The following ADCY2 variants were observed in gnomAD, a reference collection of about 807,000 sequenced individuals.
ADCY2 encodes the protein adenylate cyclase 2, also known as adenylate cyclase type 2.
Under a neutral mutation model 125.2 loss-of-function variants are expected in ADCY2, and 31 were observed. The observed-to-expected ratio is 0.25, with a 90% CI of 0.19 to 0.33. The LOEUF is 0.33. Among genes scored for constraint, ADCY2 ranks in the 10% least tolerant of loss-of-function variants. The pLI is 1.00. For missense variants in ADCY2, 904 were observed against 1,418.2 expected (o/e 0.64, Z 5.82); for synonymous variants, 512 against 548.4 (o/e 0.93, Z 0.93).
At chr5:7,499,097 TC>T (rs1310067527) in intron 2 of ADCY2, among the ~76,000 whole-genome samples, 1 of 152,138 alleles carries the variant, frequency 6.6e-6, no homozygotes, top group Non-Finnish European at 1.5e-5. Context: ...AACCTCTGCC[TC>T]CCGGGTTCAA....
chr5:7,430,692 A>G (rs369542322), intron 2 of ADCY2, among the ~76,000 whole-genome samples: 5 of 152,116 alleles, frequency 3.3e-5, no homozygotes, highest in African/African-American at 1.2e-4. Flanking sequence ...CAACAGGTGC[A>G]CTGTGTGTCA....
intron 15 of ADCY2, among the ~76,000 whole-genome samples, chr5:7,748,068 T>TTGGA (rs1220397166): frequency 2.0e-5 from 3 of 152,188 alleles, no homozygotes; most frequent in African/African-American, 7.2e-5. Context: ...CATCCTGATG[T>TTGGA]TCTCACTTGT....
At chr5:7,712,505 T>A (rs919863746) in intron 10 of ADCY2, among the ~76,000 whole-genome samples, 1 of 152,318 alleles carries the variant, frequency 6.6e-6, no homozygotes, top group African/African-American at 2.4e-5. Context: ...CAAAGTCCAT[T>A]TTCACATGGT....
intron 22 of ADCY2, among the ~76,000 whole-genome samples, chr5:7,805,833 C>T (rs762401146): frequency 2.6e-5 from 4 of 152,160 alleles, no homozygotes; most frequent in South Asian, 4.1e-4. Context: ...CATGGATAGA[C>T]GTCTGACTCA....
intron 4 of ADCY2, among the ~76,000 whole-genome samples, chr5:7,675,072 G>A (rs1377128466): frequency 4.6e-5 from 7 of 151,730 alleles, no homozygotes; most frequent in Non-Finnish European, 8.8e-5. Context: ...GGAGAATGGC[G>A]TGAACCCGGG....
intron 22 of ADCY2, among the ~76,000 whole-genome samples, chr5:7,805,436 A>AT (rs1744730316): frequency 2.0e-5 from 3 of 152,020 alleles, no homozygotes; most frequent in Non-Finnish European, 4.4e-5. Flanking sequence ...GGTTTTCGAG[A>AT]TTTTCTCGTG....
intron 3 of ADCY2, among the ~76,000 whole-genome samples, chr5:7,544,103 C>T (rs188584583): frequency 2.0e-5 from 3 of 151,914 alleles, no homozygotes; most frequent in Admixed American, 6.6e-5. Flanking sequence ...CCTTTCCCTG[C>T]CCCACTCTGG....
Position 7,404,641 on chromosome 5 carries a change from A to C in ADCY2, c.210+8135A>C, listed in dbSNP as rs890139285. ...TGGAAGTGACACATCACTTTCATTC[A>C]TTTTTTTATTGGCCAGAGTAAATGT... On this transcript the variant is annotated intron_variant, in intron 1 of 24. Coordinates refer to ENST00000338316, the MANE Select transcript of ADCY2 (RefSeq NM_020546.3). Among the ~76,000 whole-genome samples the C allele has an allele frequency of 7.9e-5, 12 of 152,278 alleles. No individual in the cohort carries two copies. The South Asian group carries it at 2.5e-3, about 32-fold the overall frequency.
chr5:7,576,525 T>G (rs1207151654), intron 3 of ADCY2, among the ~76,000 whole-genome samples: 2 of 152,226 alleles, frequency 1.3e-5, no homozygotes, highest in Non-Finnish European at 2.9e-5. Flanking sequence ...AAAGCTGGTA[T>G]TATAATCCAA....
intron 3 of ADCY2, among the ~76,000 whole-genome samples, chr5:7,536,236 A>G (rs558668653): frequency 2.6e-5 from 4 of 152,362 alleles, no homozygotes; most frequent in African/African-American, 9.6e-5. Flanking sequence ...CCAGACCTTT[A>G]TGGGGTGGAA....
At chr5:7,818,172 A>G (rs1475987735) in intron 23 of ADCY2, among the ~76,000 whole-genome samples, 1 of 152,190 alleles carries the variant, frequency 6.6e-6, no homozygotes, top group Non-Finnish European at 1.5e-5. Flanking sequence ...GCTCTCTTAC[A>G]TACAAATTTC....
At chr5:7,634,267 G>A (rs201054028) in intron 4 of ADCY2, among the ~76,000 whole-genome samples, 7 of 152,148 alleles carry the variant, frequency 4.6e-5, no homozygotes, top group Admixed American at 2.6e-4. Flanking sequence ...TTACTGAACC[G>A]AGGTATCCAT....
intron 4 of ADCY2, among the ~76,000 whole-genome samples, chr5:7,647,011 G>A (rs1210736863): frequency 6.6e-6 from 1 of 152,150 alleles, no homozygotes; most frequent in Admixed American, 6.6e-5. Flanking sequence ...ATCTGAACCA[G>A]TTCCCCATAA....
chr5:7,582,117 T>C (rs1481651140), intron 3 of ADCY2, among the ~76,000 whole-genome samples: 1 of 151,958 alleles, frequency 6.6e-6, no homozygotes, highest in East Asian at 1.9e-4. Context: ...AAGGTTGGAG[T>C]GGCTAGGTTA....
intron 4 of ADCY2, among the ~76,000 whole-genome samples, chr5:7,685,894 T>A (rs1035907): frequency 0.31 from 46,956 of 152,172 alleles, 8,796 homozygotes; most frequent in Non-Finnish European, 0.43. Context: ...GGTGGCCCAA[T>A]GGCTGCTTAG....
rs77844073 is a variant in ADCY2 at position 7,738,687 on chromosome 5, C to T, written c.1872-4981C>T. ...AGCTTGAAAGTGAAAGGATGGAAAA[C>T]GTATCTGATGTAAACAATAAGCACA... On this transcript the variant is annotated intron_variant, in intron 14 of 24. Coordinates refer to ENST00000338316, the MANE Select transcript of ADCY2 (RefSeq NM_020546.3). Among the ~76,000 whole-genome samples the T allele has an allele frequency of 3.0e-3, 455 of 151,950 alleles. 8 individuals are homozygous for T. In the East Asian group the frequency reaches 0.043, roughly 14 times the overall value.
In ADCY2 at chr5:7,705,391, C is replaced by A. The variant is rs767100839; in HGVS notation, c.1110-1353C>A. Among the ~76,000 whole-genome samples, 100 of 152,342 alleles carry A rather than the reference C, an allele frequency of 6.6e-4. 1 individual carries two copies. Among genetic ancestry groups the A allele is most frequent in the Middle Eastern group, 3.4e-3 (1 of 294 alleles). ...CCTCAGGGCAGTTACAGGACAGAGGCAGCAAGGCTGCCTAGACCAGCCTAG... is the reference window on the plus strand; with the variant it reads ...CCTCAGGGCAGTTACAGGACAGAGGAAGCAAGGCTGCCTAGACCAGCCTAG... On this transcript the variant is annotated intron_variant, in intron 7 of 24. Coordinates refer to ENST00000338316, the MANE Select transcript of ADCY2 (RefSeq NM_020546.3).
At chr5:7,559,019 GT>G (rs1245607877) in intron 3 of ADCY2, among the ~76,000 whole-genome samples, 1 of 152,044 alleles carries the variant, frequency 6.6e-6, no homozygotes, top group African/African-American at 2.4e-5. Flanking sequence ...TTTCTATTCT[GT>G]TCCATTGGTC....
Position 7,802,419 on chromosome 5 carries a change from T to G in ADCY2, c.2775+55T>G. 6.3e-7 allele frequency: 1 copy of G among 1,580,048 alleles called. No individual in the cohort carries two copies. The highest frequency in any genetic ancestry group is 8.6e-7 in the Non-Finnish European group (1 of 1,162,370). On this transcript the variant is annotated intron_variant, in intron 21 of 24. Transcript: ENST00000338316. This position sits in a 1 kb window ranked among gnomAD's most constrained non-coding sequence, Gnocchi z 4.6. Reference sequence around the variant, plus strand: ...AGCAGTACACTCAGTCTCACACCTGTGCACTTGAAGTTACTTCAGGATAGT... The same window carrying G: ...AGCAGTACACTCAGTCTCACACCTGGGCACTTGAAGTTACTTCAGGATAGT...
Sources: allele counts gnomAD v4.1 joint callset (sites outside exome capture counted in the v4.1 genomes callset), GRCh38; gene constraint gnomAD v4.1.1; non-coding constraint Gnocchi (gnomAD v3.1); transcripts MANE v1.5; gene names NCBI Gene and HGNC (gene_info 2026-07-23, HGNC 2026-07-21).